CDC42BPB: variants seen among roughly 807,000 people sequenced by gnomAD.
CDC42BPB encodes the protein CDC42 binding protein kinase beta.
In CDC42BPB, 37 loss-of-function variants were observed where a neutral mutation model predicts 214.9. The observed-to-expected ratio is 0.17, with a 90% confidence interval of 0.13 to 0.23. The LOEUF is 0.23. CDC42BPB is among the 10% of genes least tolerant of loss of function. CDC42BPB has a pLI of 1.00. For synonymous variants in CDC42BPB, 931 were observed against 884.0 expected (o/e 1.05, Z -0.94); for missense variants, 1,694 against 2,227.0 (o/e 0.76, Z 4.82).
chr14:103,022,991 C>CTATTTTTTTT (rs1167729920), intron 1 of CDC42BPB, among the ~76,000 whole-genome samples: 1 of 151,720 alleles, frequency 6.6e-6, no homozygotes, highest in Admixed American at 6.6e-5. Flanking sequence ...ACAGATATAG[C>CTATTTTTTTT]TATTTTTTTT....
At position 102,944,596 on chromosome 14, in the gene CDC42BPB, G is replaced by A; in HGVS notation, c.3812-109C>T. On this transcript the variant is annotated intron_variant, in intron 29 of 36. Coordinates refer to ENST00000361246, the MANE Select transcript of CDC42BPB (RefSeq NM_006035.4). This position sits in a 1 kb window ranked among gnomAD's most constrained non-coding sequence, Gnocchi z 6.6. ...TGGAACACTCTGGGGCCCTCCCCTG[G>A]GCTCCCTTCCTGTGTGCACAGCCTG... The A allele has an allele frequency of 6.7e-7, 1 of 1,485,366 alleles. No individual in the cohort carries two copies. Among genetic ancestry groups the A allele is most frequent in the Non-Finnish European group, 8.9e-7 (1 of 1,119,908 alleles). 92.0% of individuals were successfully genotyped at this position (1,485,366 alleles called of 1,614,324 possible). A position where few individuals can be genotyped will look rare whatever the true frequency, so the allele number is the denominator to read the frequency against.
At chr14:102,960,843 T>C (rs974340254) in intron 20 of CDC42BPB, among the ~76,000 whole-genome samples, 1 of 152,004 alleles carries the variant, frequency 6.6e-6, no homozygotes, top group Non-Finnish European at 1.5e-5. Context: ...TCAGAGCAAA[T>C]TTCAAATGGA....
intron 12 of CDC42BPB, among the ~76,000 whole-genome samples, chr14:102,973,748 G>A (rs2139482904): frequency 6.6e-6 from 1 of 152,336 alleles, no homozygotes; most frequent in Non-Finnish European, 1.5e-5. Flanking sequence ...GACTGGAGAG[G>A]CTGATTGCGA....
chr14:103,013,905 C>T (rs777699162), intron 1 of CDC42BPB, among the ~76,000 whole-genome samples: 8 of 152,210 alleles, frequency 5.3e-5, no homozygotes, highest in Non-Finnish European at 1.0e-4. Context: ...GTGGCTCACA[C>T]CTGTAATCCC....
intron 1 of CDC42BPB, among the ~76,000 whole-genome samples, chr14:103,021,774 C>G (rs756692594): frequency 6.6e-6 from 1 of 151,966 alleles, no homozygotes; most frequent in Non-Finnish European, 1.5e-5. Context: ...CGGGGTGGGC[C>G]AGAGCGGGGG....
chr14:103,001,265 C>T lies in CDC42BPB; in HGVS notation c.448-1552G>A, dbSNP rs60112834. Among the ~76,000 whole-genome samples, 7,725 of 152,274 alleles carry T rather than the reference C, an allele frequency of 0.051. 642 individuals carry two copies. Among genetic ancestry groups the T allele is most frequent in the African/African-American group, 0.18 (7,337 of 41,526 alleles). ...CTCGTGCACCCTCACTGTGGCCCCG[C>T]CAGCCCCTCTGGCAACAGGGGTGCT... is the stretch of plus-strand genomic sequence containing the variant. On this transcript the variant is annotated intron_variant, in intron 4 of 36. Transcript: ENST00000361246. This position sits in a 1 kb window ranked among gnomAD's most constrained non-coding sequence, Gnocchi z 5.8.
rs1374142938 is a variant in CDC42BPB at position 102,959,083 on chromosome 14, G to A, written c.2901+548C>T. ...AGGCCAAGGTGGGTGGATCACCTGA[G>A]GTCAGGAGTTCGAGACCAGCCTCGC... is the stretch of plus-strand genomic sequence containing the variant. On this transcript the variant is annotated intron_variant, in intron 21 of 36. Coordinates refer to ENST00000361246, the MANE Select transcript of CDC42BPB (RefSeq NM_006035.4). 2.0e-5 allele frequency among the ~76,000 whole-genome samples: 3 copies of A among 151,966 alleles called. No individual in the cohort carries two copies. In the East Asian group the frequency reaches 5.8e-4, roughly 30 times the overall value.
At position 103,023,496 on chromosome 14, in the gene CDC42BPB, G is replaced by A. The variant is rs112784115; in HGVS notation, c.176-11308C>T. On this transcript the variant is annotated intron_variant, in intron 1 of 36. Transcript: ENST00000361246. The stretch of plus-strand genomic sequence containing the variant: ...CTAATTTTTTATTTTTTGTAGACAC[G>A]GGGTCTTGCTATGTTGCCCAGACTG... Among the ~76,000 whole-genome samples, 771 of 151,952 alleles carry A rather than the reference G, an allele frequency of 5.1e-3. 11 individuals are homozygous for A. The highest frequency in any genetic ancestry group is 0.017 in the African/African-American group (719 of 41,442).
At chr14:102,968,836 G>T (rs901668206) in intron 14 of CDC42BPB, 120 bp from the exon 15 acceptor site, 17 of 1,514,074 alleles carry the variant, frequency 1.1e-5, no homozygotes, top group Non-Finnish European at 1.3e-5. Flanking sequence ...TGTGTGCCTG[G>T]TCTACACCAG....
Position 102,978,303 on chromosome 14 carries a change from G to GCAGA in CDC42BPB, c.1141-102_1141-99dup, listed in dbSNP as rs1163662118. 1.9e-6 allele frequency: 3 copies of GCAGA among 1,563,396 alleles called. No homozygotes were observed. The African/African-American group carries it at 4.1e-5, about 21-fold the overall frequency. Reference sequence around the variant, plus strand: ...CAGTCATGGTGACAGGAGGCACTGGGCAGAACATGTGGCCTTGGAGAATGC... The same window carrying GCAGA: ...CAGTCATGGTGACAGGAGGCACTGGGCAGACAGAACATGTGGCCTTGGAGAATGC... On this transcript the variant is annotated intron_variant, in intron 8 of 36. Coordinates refer to ENST00000361246, the MANE Select transcript of CDC42BPB (RefSeq NM_006035.4).
intron 8 of CDC42BPB, 30 bp from the exon 9 acceptor site, chr14:102,978,235 A>G: frequency 6.2e-7 from 1 of 1,606,160 alleles, no homozygotes; most frequent in Admixed American, 1.7e-5. Flanking sequence ...ACACAAATGA[A>G]ATCTACATTC....
At chr14:103,033,164 A>G (rs1051995145) in intron 1 of CDC42BPB, among the ~76,000 whole-genome samples, 4 of 152,136 alleles carry the variant, frequency 2.6e-5, no homozygotes, top group Non-Finnish European at 5.9e-5. Flanking sequence ...GTGAGTTGAT[A>G]ACTGTTGAAA....
chr14:102,987,409 CA>C (rs1246033931), intron 5 of CDC42BPB, among the ~76,000 whole-genome samples: 1 of 152,178 alleles, frequency 6.6e-6, no homozygotes, highest in African/African-American at 2.4e-5. Flanking sequence ...ACTTTAAAAA[CA>C]AAGACAGACA....
chr14:102,958,898 C>T (rs1892829642), intron 21 of CDC42BPB, among the ~76,000 whole-genome samples: 1 of 151,864 alleles, frequency 6.6e-6, no homozygotes, highest in East Asian at 2.0e-4. Context: ...GTCTTGAACT[C>T]CTGGGCTCAA....
rs368496228 is a variant in CDC42BPB at position 102,989,995 on chromosome 14, C to T, written c.597-3415G>A. The stretch of plus-strand genomic sequence containing the variant: ...ATAAACAAGAAAACGCCTGCATGGA[C>T]GATAGCAGAAGACAGCAGACTGGCT... On this transcript the variant is annotated intron_variant, in intron 5 of 36. Transcript: ENST00000361246. Among the ~76,000 whole-genome samples, 8 of 152,178 alleles carry T rather than the reference C, an allele frequency of 5.3e-5. No individual in the cohort carries two copies. In the South Asian group the frequency reaches 6.2e-4, roughly 12 times the overall value.
intron 17 of CDC42BPB, 113 bp downstream of exon 17, chr14:102,966,933 G>A: frequency 7.8e-7 from 1 of 1,286,878 alleles, no homozygotes; most frequent in Non-Finnish European, 1.1e-6. Flanking sequence ...CTGCACCCCA[G>A]CCTGAGAGGC....
rs750292003 is a variant in CDC42BPB at position 102,946,478 on chromosome 14, A to G, written c.3738T>C (p.Ala1246=). Residue 1246 remains alanine, a synonymous_variant, in exon 28 of 37, where the codon GCT becomes GCC. Transcript: ENST00000361246. ...SLPLIKAILT[A]AIVDADRIAV... is the part of the protein sequence containing the mutation. ...ACCTTTGGGACGTACCCACGATGGC[A>G]GCTGTCAGGATGGCCTTGATGAGAG... The G allele has an allele frequency of 6.2e-7, 1 of 1,612,722 alleles. No homozygotes were observed. The highest frequency in any genetic ancestry group is 8.5e-7 in the Non-Finnish European group (1 of 1,179,946).
intron 1 of CDC42BPB, among the ~76,000 whole-genome samples, chr14:103,027,671 CCA>C (rs1887127289): frequency 6.6e-6 from 1 of 152,106 alleles, no homozygotes. Context: ...ATAGGCAAAT[CCA>C]TAGAGACAAA....
intron 1 of CDC42BPB, among the ~76,000 whole-genome samples, chr14:103,019,127 T>C (rs763275242): frequency 2.9e-4 from 44 of 151,932 alleles, no homozygotes; most frequent in Non-Finnish European, 5.3e-4. Context: ...AGAGACGGGG[T>C]CTTGCTGTAT....
Sources: gnomAD v4.1 joint callset for allele counts (sites outside exome capture counted in the v4.1 genomes callset) on GRCh38, gnomAD v4.1.1 for gene constraint, Gnocchi (gnomAD v3.1) non-coding constraint, MANE v1.5 for transcripts, NCBI Gene and HGNC (gene_info 2026-07-23, HGNC 2026-07-21) for gene names.